Variants in DLGAP2 observed in about 807,000 individuals in gnomAD.
DLGAP2 encodes the protein DLG associated protein 2.
In DLGAP2, 26 loss-of-function variants were observed where a neutral mutation model predicts 100.3. The observed-to-expected ratio is 0.26, with a 90% CI of 0.19 to 0.36. The LOEUF is 0.36. DLGAP2 is among the 10% of genes least tolerant of loss of function. The pLI, the probability that DLGAP2 is intolerant of heterozygous loss-of-function variation, is 1.00. For missense variants in DLGAP2, 1,858 were observed against 1,453.2 expected, an observed-to-expected ratio of 1.28 and a Z score of -4.53; for synonymous variants, 886 against 630.1, an observed-to-expected ratio of 1.41 and a Z score of -6.08.
intron 2 of DLGAP2, among the ~76,000 whole-genome samples, chr8:1,079,893 G>T (rs961672782): frequency 6.6e-6 from 1 of 152,222 alleles, no homozygotes; most frequent in Non-Finnish European, 1.5e-5. Flanking sequence ...AGCTGGGGCC[G>T]CACGGCCCTG....
chr8:1,116,185 C>T (rs547588668), intron 2 of DLGAP2, among the ~76,000 whole-genome samples: 11 of 152,308 alleles, frequency 7.2e-5, no homozygotes, highest in East Asian at 1.9e-4. Flanking sequence ...TGGGGACACC[C>T]GCACTGGCCT....
At chr8:1,575,499 AG>A (rs1244262230) in intron 6 of DLGAP2, among the ~76,000 whole-genome samples, 1 of 105,852 alleles carries the variant, frequency 9.4e-6, no homozygotes, top group African/African-American at 3.0e-5. Flanking sequence ...TTTAAGTTCT[AG>A]GGTACATGTG....
intron 2 of DLGAP2, among the ~76,000 whole-genome samples, chr8:966,806 T>TCAA (rs1373599633): frequency 2.6e-5 from 4 of 152,250 alleles, no homozygotes; most frequent in Admixed American, 6.5e-5. Context: ...GTTAGGATGG[T>TCAA]CAACCTTCTT....
chr8:870,347 AG>A (rs1466050884), intron 1 of DLGAP2, among the ~76,000 whole-genome samples: 1 of 152,076 alleles, frequency 6.6e-6, no homozygotes, highest in African/African-American at 2.4e-5. Context: ...CTTCACTGAG[AG>A]GTACTGACAG....
chr8:1,462,298 G>T (rs1449394642), intron 3 of DLGAP2, among the ~76,000 whole-genome samples: 1 of 89,036 alleles, frequency 1.1e-5, no homozygotes, highest in Non-Finnish European at 2.3e-5. Flanking sequence ...CCAGGAGGAG[G>T]TAGAAGGGTG....
At chr8:1,387,035 T>A (rs1796236713) in intron 3 of DLGAP2, among the ~76,000 whole-genome samples, 1 of 152,218 alleles carries the variant, frequency 6.6e-6, no homozygotes, top group South Asian at 2.1e-4. Flanking sequence ...GGACGTCATA[T>A]TGGTAAGCCA....
At chr8:1,524,632 A>T (rs973822617) in intron 4 of DLGAP2, among the ~76,000 whole-genome samples, 3 of 151,986 alleles carry the variant, frequency 2.0e-5, no homozygotes, top group Non-Finnish European at 4.4e-5. Context: ...TCCCCATATC[A>T]TCTTCTCAAA....
chr8:1,335,289 A>C (rs1424633590), intron 3 of DLGAP2, among the ~76,000 whole-genome samples: 3 of 152,188 alleles, frequency 2.0e-5, no homozygotes, highest in Non-Finnish European at 4.4e-5. Flanking sequence ...CCTAATGAGG[A>C]TGCTGCTGGA....
intron 2 of DLGAP2, among the ~76,000 whole-genome samples, chr8:941,401 T>C (rs1799192093): frequency 6.6e-6 from 1 of 152,116 alleles, no homozygotes; most frequent in Non-Finnish European, 1.5e-5. Context: ...CCTTTTGCTT[T>C]GTCAGCCAAG....
At chr8:1,049,441 C>G (rs560670156) in intron 2 of DLGAP2, among the ~76,000 whole-genome samples, 13 of 152,080 alleles carry the variant, frequency 8.5e-5, no homozygotes, top group Admixed American at 7.9e-4. Flanking sequence ...ATGTTTCTTT[C>G]TAAACACCCT....
intron 2 of DLGAP2, among the ~76,000 whole-genome samples, chr8:1,140,399 T>A (rs898144128): frequency 2.0e-5 from 3 of 146,828 alleles, no homozygotes; most frequent in African/African-American, 7.4e-5. Flanking sequence ...CCATGCCTCA[T>A]GCCCTAGGGT....
At chr8:1,427,344 A>G (rs958597782) in intron 3 of DLGAP2, among the ~76,000 whole-genome samples, 6 of 152,234 alleles carry the variant, frequency 3.9e-5, no homozygotes, top group Admixed American at 1.3e-4. Context: ...CAAGTGTAGA[A>G]TAAACACTCT....
At chr8:1,492,508 G>A (rs1384449980) in intron 3 of DLGAP2, among the ~76,000 whole-genome samples, 5 of 152,336 alleles carry the variant, frequency 3.3e-5, no homozygotes, top group South Asian at 4.1e-4. Flanking sequence ...TTCCCTGTGC[G>A]TTCCGGAAGC....
At chr8:868,463 C>T (rs1797538021) in intron 1 of DLGAP2, among the ~76,000 whole-genome samples, 1 of 152,224 alleles carries the variant, frequency 6.6e-6, no homozygotes, top group Non-Finnish European at 1.5e-5. Flanking sequence ...GAGAAGGTCC[C>T]TGGTTGGCGC....
intron 2 of DLGAP2, among the ~76,000 whole-genome samples, chr8:1,063,361 C>G (rs1003785198): frequency 1.3e-5 from 2 of 152,034 alleles, no homozygotes; most frequent in East Asian, 1.9e-4. Flanking sequence ...TGACAAGGGT[C>G]TCTGCGATCC....
chr8:752,866 G>A (rs1820827041), intron 1 of DLGAP2, among the ~76,000 whole-genome samples: 1 of 152,118 alleles, frequency 6.6e-6, no homozygotes, highest in South Asian at 2.1e-4. Flanking sequence ...CTCCAAGAAG[G>A]CGACCTCTGG....
At chr8:1,008,128 A>G (rs1174492282) in intron 2 of DLGAP2, among the ~76,000 whole-genome samples, 3 of 152,218 alleles carry the variant, frequency 2.0e-5, no homozygotes, top group East Asian at 1.9e-4. Context: ...ATCCTGATCT[A>G]CCTTCCCATT....
At chr8:1,246,428 C>A (rs558183347) in intron 2 of DLGAP2, among the ~76,000 whole-genome samples, 1 of 152,344 alleles carries the variant, frequency 6.6e-6, no homozygotes, top group Non-Finnish European at 1.5e-5. Context: ...TCCGCGGCTG[C>A]TGAGAGCACA....
intron 2 of DLGAP2, among the ~76,000 whole-genome samples, chr8:1,182,229 C>T (rs1165684155): frequency 6.6e-6 from 1 of 152,234 alleles, no homozygotes; most frequent in African/African-American, 2.4e-5. Flanking sequence ...GCGTTCCCAA[C>T]AGGGGCTTGG....
Sources: gnomAD v4.1 joint callset for allele counts (sites outside exome capture counted in the v4.1 genomes callset) on GRCh38, gnomAD v4.1.1 for gene constraint, MANE v1.5 for transcripts, NCBI Gene and HGNC (gene_info 2026-07-23, HGNC 2026-07-21) for gene names.